The following EPS15 variants were observed in gnomAD, a reference collection of about 807,000 sequenced individuals.
The protein encoded by EPS15 is epidermal growth factor receptor substrate 15.
A neutral mutation model predicts 113.8 loss-of-function variants in EPS15; 72 were observed. The ratio of observed to expected loss-of-function variants is 0.63; its 90% CI spans 0.52 to 0.77. The LOEUF is 0.77. Among genes scored for constraint, EPS15 ranks in the 30% least tolerant of loss-of-function variants. EPS15 has a pLI of 0.00. For synonymous variants in EPS15, 344 were observed against 363.4 expected (o/e 0.95, Z 0.61); for missense variants, 1,048 against 1,045.8 (o/e 1.00, Z -0.03).
intron 1 of EPS15, among the ~76,000 whole-genome samples, chr1:51,517,599 T>G (rs571412714): frequency 6.6e-5 from 10 of 152,238 alleles, no homozygotes; most frequent in Non-Finnish European, 1.5e-4. Flanking sequence ...TCTTGTTTAA[T>G]GCAAGTCACT....
intron 1 of EPS15, among the ~76,000 whole-genome samples, chr1:51,499,983 T>C (rs1471990212): frequency 9.2e-5 from 14 of 152,242 alleles, no homozygotes; most frequent in Admixed American, 8.5e-4. Context: ...CCAATTATTC[T>C]ACTTTCTGTC....
At chr1:51,493,577 T>TAAATAAAA (rs1553136850) in intron 1 of EPS15, among the ~76,000 whole-genome samples, 7 of 132,974 alleles carry the variant, frequency 5.3e-5, no homozygotes, top group African/African-American at 1.6e-4. Context: ...AATAAATAAA[T>TAAATAAAA]AAAAATAAAG....
intron 14 of EPS15, 135 bp downstream of exon 14, chr1:51,409,400 G>T: frequency 1.4e-6 from 1 of 711,350 alleles, no homozygotes; most frequent in Non-Finnish European, 2.3e-6. Flanking sequence ...TTGCTCCATC[G>T]CCCCCATGAA....
intron 4 of EPS15, among the ~76,000 whole-genome samples, chr1:51,471,468 G>C (rs900274597): frequency 2.0e-5 from 3 of 152,114 alleles, no homozygotes; most frequent in Non-Finnish European, 2.9e-5. Flanking sequence ...CTGAAAGACA[G>C]AAAAATAAAC....
chr1:51,495,584 C>T (rs1012160391), intron 1 of EPS15, among the ~76,000 whole-genome samples: 1 of 151,920 alleles, frequency 6.6e-6, no homozygotes, highest in Non-Finnish European at 1.5e-5. Context: ...AACACCATTT[C>T]CTAAATAAAT....
At chr1:51,385,644 G>A (rs1044237984) in intron 21 of EPS15, among the ~76,000 whole-genome samples, 2 of 152,016 alleles carry the variant, frequency 1.3e-5, no homozygotes, top group South Asian at 2.1e-4. Flanking sequence ...AAAATGTGAC[G>A]GCAACTAAGT....
chr1:51,500,605 T>C (rs906218772), intron 1 of EPS15, among the ~76,000 whole-genome samples: 1 of 152,000 alleles, frequency 6.6e-6, no homozygotes, highest in Non-Finnish European at 1.5e-5. Context: ...AGCCTCGACC[T>C]CCCAAGCTCA....
rs1465924871 is a variant in EPS15, at chr1:51,465,522, CT to C, written c.310-197del. On this transcript the variant is annotated intron_variant, in intron 5 of 24. Transcript: ENST00000371733. ...TTATAATACCATATTTTTACTGTAC[CT>C]TTTCTGGTTTTTGTTTTATTTTGTT... 2.0e-5 allele frequency among the ~76,000 whole-genome samples: 3 copies of C among 151,934 alleles called. No homozygotes were observed. In the East Asian group the frequency reaches 5.8e-4, roughly 29 times the overall value.
Position 51,461,521 on chromosome 1 carries a change from TAAAAAAAAAAAA to T in EPS15, c.502-383_502-372del, listed in dbSNP as rs34184025. On this transcript the variant is annotated intron_variant, in intron 7 of 24. Transcript: ENST00000371733. ...GGCAACGGAGCTAGACACTGTTTCT[TAAAAAAAAAAAA>T]AAAAAAAAAAAAAAGTGTACTGTTG... 2.5e-3 allele frequency among the ~76,000 whole-genome samples: 210 copies of T among 85,078 alleles called. 1 individual carries two copies. The highest frequency in any genetic ancestry group is 7.3e-3 in the Admixed American group (53 of 7,246). 55.8% of individuals were successfully genotyped at this position (85,078 alleles called of 152,430 possible).
At chr1:51,401,557 G>C (rs1245575509) in intron 18 of EPS15, among the ~76,000 whole-genome samples, 1 of 152,174 alleles carries the variant, frequency 6.6e-6, no homozygotes, top group East Asian at 1.9e-4. Context: ...TTGCGACTTA[G>C]GTAATAGTTT....
chr1:51,518,794 G>A lies in EPS15; in HGVS notation c.33+405C>T, dbSNP rs1644780005. Among the ~76,000 whole-genome samples, 7 of 151,184 alleles carry A rather than the reference G, an allele frequency of 4.6e-5. No individual in the cohort carries two copies. The South Asian group carries it at 1.5e-3, about 32-fold the overall frequency. ...CTCGTGCGGCCCGGGGGTGCGGCCG[G>A]CCCGCGCGAGCTCAACAGGAGCTCA... On this transcript the variant is annotated intron_variant, in intron 1 of 24. Coordinates refer to ENST00000371733, the MANE Select transcript of EPS15 (RefSeq NM_001981.3).
At chr1:51,429,800 G>A (rs1187698515) in intron 12 of EPS15, among the ~76,000 whole-genome samples, 2 of 151,934 alleles carry the variant, frequency 1.3e-5, no homozygotes, top group African/African-American at 2.4e-5. Flanking sequence ...ACAGGCATCC[G>A]CCACCACGCC....
At chr1:51,477,202 A>G (rs1037942571) in intron 2 of EPS15, among the ~76,000 whole-genome samples, 2 of 152,154 alleles carry the variant, frequency 1.3e-5, no homozygotes, top group Non-Finnish European at 2.9e-5. Context: ...GTGTCCAGGA[A>G]TTTATCCATT....
chr1:51,456,973 T>C (rs557666254), intron 8 of EPS15, among the ~76,000 whole-genome samples: 6 of 152,276 alleles, frequency 3.9e-5, no homozygotes, highest in African/African-American at 1.4e-4. Context: ...AAAAATGTTC[T>C]AAGGTCTTCT....
At chr1:51,471,626 C>T (rs1655244545) in intron 4 of EPS15, 64 bp downstream of exon 4, 6 of 1,292,642 alleles carry the variant, frequency 4.6e-6, no homozygotes, top group South Asian at 2.5e-5. Context: ...ACAAGAAAAC[C>T]CTGCTGGCTA....
chr1:51,453,574 T>TAG (rs1360499681), intron 8 of EPS15, among the ~76,000 whole-genome samples: 1 of 152,124 alleles, frequency 6.6e-6, no homozygotes, highest in African/African-American at 2.4e-5. Context: ...TGAAACATAC[T>TAG]AGCAAGTGCA....
intron 21 of EPS15, among the ~76,000 whole-genome samples, chr1:51,367,099 G>A (rs1367849129): frequency 6.6e-6 from 1 of 152,216 alleles, no homozygotes; most frequent in Non-Finnish European, 1.5e-5. Flanking sequence ...CCTGTAGTGG[G>A]AGTCACTAAC....
rs1388415320 is a variant in EPS15 at position 51,363,930 on chromosome 1, T to C, written c.2295A>G (p.Glu765=). 1 of 1,614,094 alleles carries C rather than the reference T, an allele frequency of 6.2e-7. No homozygotes were observed. The highest frequency in any genetic ancestry group is 8.5e-7 in the Non-Finnish European group (1 of 1,179,970). Reference sequence around the variant, plus strand: ...TTGGTGGCAGTGCTGGGGGTTCATCTTCACTTTTGACCGATGTTTCCTCAA... The same window carrying C: ...TTGGTGGCAGTGCTGGGGGTTCATCCTCACTTTTGACCGATGTTTCCTCAA... ...NVFEETSVKS[E]DEPPALPPKI... Residue 765 remains glutamate (E), a synonymous_variant, in exon 23 of 25, where the codon GAA becomes GAG. Transcript: ENST00000371733.
rs1353096442 is a variant in EPS15 at position 51,463,802 on chromosome 1, C to T, written c.376-4G>A. ...CATATTTGGCCTTATCTTCAGGCTA[C>T]AATAAAAAACAAAATCACAAGTTAA... is the stretch of plus-strand genomic sequence containing the variant. On this transcript the variant is annotated splice_region_variant and splice_polypyrimidine_tract_variant and intron_variant, in intron 6 of 24. Transcript: ENST00000371733. The T allele has an allele frequency of 6.5e-7, 1 of 1,547,384 alleles. No individual in the cohort carries two copies. Among genetic ancestry groups the T allele is most frequent in the South Asian group, 1.2e-5 (1 of 83,134 alleles).
Sources: gnomAD v4.1 joint callset for allele counts (sites outside exome capture counted in the v4.1 genomes callset) on GRCh38, gnomAD v4.1.1 for gene constraint, MANE v1.5 for transcripts, NCBI Gene and HGNC (gene_info 2026-07-23, HGNC 2026-07-21) for gene names.